Variants in MOBP observed in about 807,000 individuals in gnomAD.
The protein encoded by MOBP is myelin associated oligodendrocyte basic protein.
In MOBP, 5 loss-of-function variants were observed where a neutral mutation model predicts 15.0. The observed-to-expected ratio is 0.33, with a 90% CI of 0.17 to 0.70. The LOEUF is 0.70. MOBP is among the 30% of genes least tolerant of loss of function. The pLI, the probability that MOBP is intolerant of heterozygous loss-of-function variation, is 0.67. For missense variants in MOBP, 188 were observed against 257.8 expected (o/e 0.73, Z 1.85); for synonymous variants, 88 against 99.0 (o/e 0.89, Z 0.66).
intron 1 of MOBP, among the ~76,000 whole-genome samples, chr3:39,473,706 C>T (rs2042502372): frequency 6.6e-6 from 1 of 152,150 alleles, no homozygotes; most frequent in African/African-American, 2.4e-5. Context: ...GGAGGGGCAG[C>T]GTCTCCAGGG....
chr3:39,519,456 C>T (rs2043239680), downstream of MOBP, among the ~76,000 whole-genome samples: 1 of 150,536 alleles, frequency 6.6e-6, no homozygotes, highest in Non-Finnish European at 1.5e-5. Context: ...TTTCTTCCAG[C>T]TGATGCCTTG....
At chr3:39,523,716 G>T (rs79306164) in intron 3 of MOBP, among the ~76,000 whole-genome samples, 1 of 152,108 alleles carries the variant, frequency 6.6e-6, no homozygotes, top group South Asian at 2.1e-4. Context: ...ACACCTTCCA[G>T]TTGTTGGCAT....
rs1559411695 is a variant in MOBP, at chr3:39,468,912, AGTGTGTATATATACATATATACATT to A, written c.-89+1197_-89+1221del. On this transcript the variant is annotated intron_variant, in intron 1 of 3. Coordinates refer to ENST00000684792, the MANE Select transcript of MOBP (RefSeq NM_001393704.1). ...GTGTATATATACATATATACATATG[AGTGTGTATATATACATATATACATT>A]GTGTGTATATATACATATATACATA... 5.6e-3 allele frequency among the ~76,000 whole-genome samples: 440 copies of A among 78,060 alleles called. 36 individuals are homozygous for A. The highest frequency in any genetic ancestry group is 0.043 in the Admixed American group (368 of 8,554). The allele number at this position is 78,060 out of a possible 152,430, so 51.2% of individuals were successfully genotyped here. A position where few individuals can be genotyped will look rare whatever the true frequency, so the allele number is the denominator to read the frequency against.
At chr3:39,475,629 A>C (rs1326393720) in intron 1 of MOBP, among the ~76,000 whole-genome samples, 1 of 152,206 alleles carries the variant, frequency 6.6e-6, no homozygotes, top group Non-Finnish European at 1.5e-5. Flanking sequence ...GTATAAGCCC[A>C]ACAATATTTA....
chr3:39,514,518 C>A (rs1265882807), exon 5 of MOBP: 1 of 152,238 alleles, frequency 6.6e-6, no homozygotes, highest in African/African-American at 2.4e-5. Context: ...CAGTGCTTTC[C>A]CTGGCTGGCC....
downstream of MOBP, among the ~76,000 whole-genome samples, chr3:39,504,527 C>CAG (rs3836221): frequency 0.92 from 139,586 of 152,170 alleles, 64,665 homozygotes; most frequent in Middle Eastern, 0.98. Context: ...CAGTGGGTAT[C>CAG]AGAAGGTGCC....
At chr3:39,508,837 G>A (rs755805992) in intron 4 of MOBP, among the ~76,000 whole-genome samples, 9 of 151,976 alleles carry the variant, frequency 5.9e-5, no homozygotes, top group East Asian at 3.9e-4. Flanking sequence ...ATAAGCCACC[G>A]CGCCTGGCCC....
In MOBP at chr3:39,481,628, C is replaced by G. The variant is rs561007587; in HGVS notation, c.-5+1505C>G. On this transcript the variant is annotated intron_variant, in intron 2 of 3. Coordinates refer to ENST00000684792, the MANE Select transcript of MOBP (RefSeq NM_001393704.1). ...CTTTGCAAACCACGTGATTCTCTAG[C>G]TACTTCTCTCCCACTGTTCTCAAAT... Among the ~76,000 whole-genome samples, 8 of 152,338 alleles carry G rather than the reference C, an allele frequency of 5.3e-5. No individual in the cohort carries two copies. The East Asian group carries it at 1.5e-3, about 29-fold the overall frequency.
chr3:39,488,865 C>T (rs1194004443), intron 2 of MOBP, among the ~76,000 whole-genome samples: 1 of 152,180 alleles, frequency 6.6e-6, no homozygotes, highest in African/African-American at 2.4e-5. Context: ...CCTGGTTTTC[C>T]TATTTCCTCT....
Position 39,502,026 on chromosome 3 carries a change from T to G in MOBP, c.-4-40T>G. On this transcript the variant is annotated intron_variant, in intron 2 of 3. Coordinates refer to ENST00000684792, the MANE Select transcript of MOBP (RefSeq NM_001393704.1). This position sits in a 1 kb window ranked among gnomAD's most constrained non-coding sequence, Gnocchi z 6.3. ...AGAGGGCTCCCTTTCCTGATGTGCG[T>G]TTATGTCTCCTCCTGTCTCCTTGCA... is the stretch of plus-strand genomic sequence containing the variant. 6.4e-7 allele frequency: 1 copy of G among 1,565,842 alleles called. No homozygotes were observed. Among genetic ancestry groups the G allele is most frequent in the Non-Finnish European group, 8.8e-7 (1 of 1,137,966 alleles).
intron 4 of MOBP, among the ~76,000 whole-genome samples, chr3:39,508,483 T>A (rs1383508899): frequency 6.6e-6 from 1 of 152,180 alleles, no homozygotes; most frequent in Non-Finnish European, 1.5e-5. Flanking sequence ...AGTGGAATTA[T>A]GTAATATTAT....
At chr3:39,503,953 T>C (rs1401775745), downstream of MOBP, among the ~76,000 whole-genome samples, 1 of 152,174 alleles carries the variant, frequency 6.6e-6, no homozygotes, top group African/African-American at 2.4e-5. Flanking sequence ...TGTGCCTTTT[T>C]AGTAAGCATT....
downstream of MOBP, among the ~76,000 whole-genome samples, chr3:39,506,341 C>A (rs931016076): frequency 6.6e-6 from 1 of 152,118 alleles, no homozygotes. Context: ...CCTTAGCACC[C>A]CCGCCCCTGG....
In MOBP at chr3:39,468,794, G is replaced by C. The variant is rs35650892; in HGVS notation, c.-89+1054G>C. 2.0e-5 allele frequency among the ~76,000 whole-genome samples: 2 copies of C among 101,930 alleles called. 1 individual carries two copies. The highest frequency in any genetic ancestry group is 1.1e-4 in the African/African-American group (2 of 17,824). The allele number at this position is 101,930 out of a possible 152,430, so 66.9% of individuals were successfully genotyped here. On this transcript the variant is annotated intron_variant, in intron 1 of 3. Coordinates refer to ENST00000684792, the MANE Select transcript of MOBP (RefSeq NM_001393704.1). ...TATATATACATATATACATGTGTGT[G>C]TATATATACATATGTGTGTGTATAC...
chr3:39,490,532 T>C (rs992342047), intron 2 of MOBP, among the ~76,000 whole-genome samples: 1 of 152,220 alleles, frequency 6.6e-6, no homozygotes, highest in African/African-American at 2.4e-5. Context: ...ATGAAAATTG[T>C]AATTCCCAGT....
intron 2 of MOBP, among the ~76,000 whole-genome samples, chr3:39,485,574 C>T (rs565946489): frequency 1.1e-4 from 16 of 152,198 alleles, no homozygotes; most frequent in African/African-American, 3.1e-4. Flanking sequence ...ATCTTTGGAC[C>T]CCCAGTTATT....
At chr3:39,482,375 G>T (rs2042640585) in intron 2 of MOBP, among the ~76,000 whole-genome samples, 1 of 152,136 alleles carries the variant, frequency 6.6e-6, no homozygotes, top group Admixed American at 6.6e-5. Flanking sequence ...CTCTGGGTCG[G>T]GCACGGTGGC....
intron 2 of MOBP, among the ~76,000 whole-genome samples, chr3:39,488,650 T>C (rs1263716213): frequency 2.0e-5 from 3 of 152,216 alleles, no homozygotes; most frequent in Middle Eastern, 3.2e-3. Flanking sequence ...TGTTTAGAAC[T>C]GTACTCTTAC....
downstream of MOBP, among the ~76,000 whole-genome samples, chr3:39,516,848 A>C (rs764472848): frequency 2.0e-5 from 3 of 152,204 alleles, no homozygotes; most frequent in Non-Finnish European, 4.4e-5. Flanking sequence ...ATTCATGAGG[A>C]AATTTTGATG....
Sources: gnomAD v4.1 joint callset for allele counts (sites outside exome capture counted in the v4.1 genomes callset) on GRCh38, gnomAD v4.1.1 for gene constraint, Gnocchi (gnomAD v3.1) non-coding constraint, MANE v1.5 for transcripts, NCBI Gene and HGNC (gene_info 2026-07-23, HGNC 2026-07-21) for gene names.